The following CRTC1 variants were observed in gnomAD, a reference collection of about 807,000 sequenced individuals.
CRTC1 encodes the protein CREB-regulated transcription coactivator 1.
A neutral mutation model predicts 66.1 loss-of-function variants in CRTC1; 18 were observed. The ratio of observed to expected loss-of-function variants is 0.27; its 90% confidence interval spans 0.19 to 0.40. CRTC1 has a LOEUF of 0.40. CRTC1 is among the 10% of genes least tolerant of loss of function. CRTC1 has a pLI of 1.00. For synonymous variants in CRTC1, 416 were observed against 398.8 expected, an observed-to-expected ratio of 1.04 and a Z score of -0.51; for missense variants, 669 against 887.9, an observed-to-expected ratio of 0.75 and a Z score of 3.13.
intron 1 of CRTC1, among the ~76,000 whole-genome samples, chr19:18,691,508 G>A (rs77050841): frequency 0.094 from 12,443 of 131,840 alleles, 663 homozygotes; most frequent in Middle Eastern, 0.18. Context: ...GTAAAAGAGT[G>A]AGACCCTTTT....
rs1417086688 is a variant in CRTC1, at chr19:18,781,698, G to A, written c.*4316G>A. 2.4e-4 allele frequency: 55 copies of A among 230,718 alleles called. 1 individual carries two copies. In the East Asian group the frequency reaches 3.3e-3, roughly 14 times the overall value. The allele number at this position is 230,718 out of a possible 1,614,324, so 14.3% of individuals were successfully genotyped here. On this transcript the variant is annotated 3_prime_UTR_variant, in exon 14 of 14. Coordinates refer to ENST00000321949, the MANE Select transcript of CRTC1 (RefSeq NM_015321.3). Reference sequence around the variant, plus strand: ...CTCTTGTCACTTTCTCAAACCTGCAGGTCTCAGGGCCCCGGGCTCCTCCTG... The same window carrying A: ...CTCTTGTCACTTTCTCAAACCTGCAAGTCTCAGGGCCCCGGGCTCCTCCTG...
At chr19:18,714,312 C>G (rs989709798) in intron 1 of CRTC1, among the ~76,000 whole-genome samples, 2 of 152,062 alleles carry the variant, frequency 1.3e-5, no homozygotes, top group African/African-American at 2.4e-5. Context: ...AAAACTAACA[C>G]TCTTTTTTTT....
At chr19:18,714,910 C>A (rs78920499) in intron 1 of CRTC1, among the ~76,000 whole-genome samples, 6,370 of 152,342 alleles carry the variant, frequency 0.042, 239 homozygotes, top group African/African-American at 0.1. Flanking sequence ...GCCTGCAGTT[C>A]CCAGCCTGGG....
In CRTC1 at chr19:18,743,039, C is replaced by T; in HGVS notation, c.243+13C>T. ...CCTGCCCTTCCAGGTGAGTGCCCCG[C>T]CCCCTGGCCCTGCCCCATTGTGGGG... On this transcript the variant is annotated intron_variant, in intron 2 of 13. Coordinates refer to ENST00000321949, the MANE Select transcript of CRTC1 (RefSeq NM_015321.3). The T allele has an allele frequency of 6.3e-7, 1 of 1,581,760 alleles. No individual in the cohort carries two copies. The highest frequency in any genetic ancestry group is 1.1e-5 in the South Asian group (1 of 90,370).
chr19:18,708,980 C>T (rs1475755881), intron 1 of CRTC1, among the ~76,000 whole-genome samples: 1 of 152,196 alleles, frequency 6.6e-6, no homozygotes, highest in Admixed American at 6.5e-5. Flanking sequence ...GTCTCTAGGC[C>T]CGGGAGGAAG....
At chr19:18,738,057 T>A (rs1025995775) in intron 1 of CRTC1, among the ~76,000 whole-genome samples, 10 of 152,130 alleles carry the variant, frequency 6.6e-5, no homozygotes, top group African/African-American at 2.4e-4. Context: ...CGGTGGCTCA[T>A]GCCTCTAATC....
intron 12 of CRTC1, among the ~76,000 whole-genome samples, 154 bp from the exon 13 acceptor site, chr19:18,775,487 A>T (rs2054966716): frequency 6.6e-6 from 1 of 152,052 alleles, no homozygotes; most frequent in Non-Finnish European, 1.5e-5. Flanking sequence ...TGGCGGGTGG[A>T]GTGGGGTTCG....
At chr19:18,749,324 C>T (rs765002427) in intron 4 of CRTC1, among the ~76,000 whole-genome samples, 2 of 152,168 alleles carry the variant, frequency 1.3e-5, no homozygotes, top group Non-Finnish European at 2.9e-5. Flanking sequence ...GGCACAGTCA[C>T]CTGATTGTGT....
In CRTC1 at chr19:18,778,279, T is replaced by C. The variant is rs1601035063; in HGVS notation, c.*897T>C. 4.3e-6 allele frequency: 1 copy of C among 232,682 alleles called. No homozygotes were observed. Among genetic ancestry groups the C allele is most frequent in the Non-Finnish European group, 8.5e-6 (1 of 117,918 alleles). 14.4% of individuals were successfully genotyped at this position (232,682 alleles called of 1,614,324 possible). On this transcript the variant is annotated 3_prime_UTR_variant, in exon 14 of 14. Coordinates refer to ENST00000321949, the MANE Select transcript of CRTC1 (RefSeq NM_015321.3). Reference sequence around the variant, plus strand: ...GTACAGGCAGAGGTGGCCAGGGGAGTTTCATTGTGGTTTTTTTTTCCTTTT... The same window carrying C: ...GTACAGGCAGAGGTGGCCAGGGGAGCTTCATTGTGGTTTTTTTTTCCTTTT...
chr19:18,740,533 ACT>A lies in CRTC1; in HGVS notation c.127-2374_127-2373del, dbSNP rs1177263471. 2.6e-5 allele frequency among the ~76,000 whole-genome samples: 4 copies of A among 152,044 alleles called. No individual in the cohort carries two copies. The East Asian group carries it at 7.7e-4, about 29-fold the overall frequency. ...CACCCTAAAACCACAGTGTGAGCAG[ACT>A]CTGCCATAGCCCAAGGCCTCAGGCA... is the stretch of plus-strand genomic sequence containing the variant. On this transcript the variant is annotated intron_variant, in intron 1 of 13. Transcript: ENST00000321949.
At chr19:18,695,118 G>A (rs1012844491) in intron 1 of CRTC1, among the ~76,000 whole-genome samples, 1 of 152,056 alleles carries the variant, frequency 6.6e-6, no homozygotes, top group East Asian at 1.9e-4. Flanking sequence ...TGATCTGCCC[G>A]CCTCGGCCTC....
At chr19:18,698,884 C>A (rs12973480) in intron 1 of CRTC1, among the ~76,000 whole-genome samples, 20,153 of 151,418 alleles carry the variant, frequency 0.13, 1,504 homozygotes, top group African/African-American at 0.19. Context: ...ACTCAGTAGG[C>A]GCAGTGTGTG....
Position 18,728,212 on chromosome 19 carries a change from G to T in CRTC1, c.127-14698G>T, listed in dbSNP as rs140909605. Among the ~76,000 whole-genome samples the T allele has an allele frequency of 5.1e-3, 783 of 152,290 alleles. 6 individuals carry two copies. The highest frequency in any genetic ancestry group is 0.016 in the African/African-American group (667 of 41,558). The stretch of plus-strand genomic sequence containing the variant: ...CTCCCCTGGTGTCCTGGCCCTCCCG[G>T]TGAGGTTGCACAGAGGTTGGGAGAA... On this transcript the variant is annotated intron_variant, in intron 1 of 13. Transcript: ENST00000321949.
At chr19:18,770,236 C>T (rs1401861092) in intron 10 of CRTC1, among the ~76,000 whole-genome samples, 5 of 152,218 alleles carry the variant, frequency 3.3e-5, no homozygotes, top group African/African-American at 4.8e-5. Flanking sequence ...TGGCCTGGCC[C>T]GACCTGCCTC....
Position 18,768,865 on chromosome 19 carries a change from A to T in CRTC1, c.1320+72A>T. On this transcript the variant is annotated intron_variant, in intron 10 of 13. Coordinates refer to ENST00000321949, the MANE Select transcript of CRTC1 (RefSeq NM_015321.3). The surrounding 1 kb of genome is among the most constrained non-coding windows in gnomAD (Gnocchi z 5.6). ...GAGGACAGCCCGGGGGCTGCAGAAC[A>T]GTCGGGTTACCTGCTGCATGGGCCA... The T allele has an allele frequency of 6.7e-7, 1 of 1,495,368 alleles. No individual in the cohort carries two copies. The highest frequency in any genetic ancestry group is 8.9e-7 in the Non-Finnish European group (1 of 1,121,824). 92.6% of individuals were successfully genotyped at this position (1,495,368 alleles called of 1,614,324 possible).
intron 1 of CRTC1, among the ~76,000 whole-genome samples, chr19:18,698,602 G>A (rs535395705): frequency 4.0e-5 from 6 of 150,936 alleles, no homozygotes; most frequent in Non-Finnish European, 5.9e-5. Context: ...CTCACCGGGC[G>A]CTCAGCAGGC....
chr19:18,705,886 A>T (rs1480276476), intron 1 of CRTC1, among the ~76,000 whole-genome samples: 1 of 146,302 alleles, frequency 6.8e-6, no homozygotes, highest in African/African-American at 2.5e-5. Flanking sequence ...GCATCTTTTC[A>T]TGTGCTTCTT....
Position 18,768,166 on chromosome 19 carries a change from C to T in CRTC1, c.1012-319C>T, listed in dbSNP as rs2054777600. 6.6e-6 allele frequency among the ~76,000 whole-genome samples: 1 copy of T among 152,204 alleles called. No individual in the cohort carries two copies. Among genetic ancestry groups the T allele is most frequent in the African/African-American group, 2.4e-5 (1 of 41,450 alleles). ...GCTGGGAGCTGGCTGCTCACTGAGC[C>T]ACCAGGGATGGCCATCCTGGGCTTG... On this transcript the variant is annotated intron_variant, in intron 9 of 13. Transcript: ENST00000321949. This position sits in a 1 kb window ranked among gnomAD's most constrained non-coding sequence, Gnocchi z 5.6.
rs981078542 is a variant in CRTC1 at position 18,696,752 on chromosome 19, T to C, written c.126+12924T>C. Reference sequence around the variant, plus strand: ...CCTCTCCAAGGTGCCTGCCTGGGAATGGCCCCACCTGTGTGTCCCTGAGCC... The same window carrying C: ...CCTCTCCAAGGTGCCTGCCTGGGAACGGCCCCACCTGTGTGTCCCTGAGCC... On this transcript the variant is annotated intron_variant, in intron 1 of 13. Transcript: ENST00000321949. 5.9e-5 allele frequency among the ~76,000 whole-genome samples: 9 copies of C among 152,034 alleles called. 1 individual carries two copies. Among genetic ancestry groups the C allele is most frequent in the Admixed American group, 5.9e-4 (9 of 15,268 alleles).
Sources: gnomAD v4.1 joint callset for allele counts (sites outside exome capture counted in the v4.1 genomes callset) on GRCh38, gnomAD v4.1.1 for gene constraint, Gnocchi (gnomAD v3.1) non-coding constraint, MANE v1.5 for transcripts, NCBI Gene and HGNC (gene_info 2026-07-23, HGNC 2026-07-21) for gene names.